Variants in PTPRZ1 observed in about 807,000 individuals in gnomAD.
The protein encoded by PTPRZ1 is protein tyrosine phosphatase receptor type Z1.
PTPRZ1 carries 82 observed loss-of-function variants against 214.1 expected under a neutral mutation model. The observed-to-expected ratio is 0.38, with a 90% confidence interval of 0.32 to 0.46. PTPRZ1 has a LOEUF of 0.46. Among genes scored for constraint, PTPRZ1 ranks in the 20% least tolerant of loss-of-function variants. The probability of loss-of-function intolerance (pLI) is 1.00; values close to 1 mark genes in which losing one functional copy is unlikely to be tolerated. For missense variants in PTPRZ1, 2,603 were observed against 2,748.7 expected, an observed-to-expected ratio of 0.95 and a Z score of 1.19; for synonymous variants, 945 against 987.9, an observed-to-expected ratio of 0.96 and a Z score of 0.81.
At chr7:121,926,375 A>C (rs977624695) in intron 1 of PTPRZ1, among the ~76,000 whole-genome samples, 1 of 151,898 alleles carries the variant, frequency 6.6e-6, no homozygotes, top group Admixed American at 6.6e-5. Context: ...TCAAGGGCCT[A>C]TGGTCAAGAA....
At chr7:121,886,826 A>G (rs1331123184) in intron 1 of PTPRZ1, among the ~76,000 whole-genome samples, 2 of 152,206 alleles carry the variant, frequency 1.3e-5, no homozygotes, top group African/African-American at 4.8e-5. Context: ...AAAATAATGA[A>G]CAAAATTTTA....
intron 8 of PTPRZ1, among the ~76,000 whole-genome samples, chr7:121,990,257 C>A (rs934509614): frequency 2.0e-5 from 3 of 151,968 alleles, no homozygotes; most frequent in Non-Finnish European, 4.4e-5. Context: ...ATCGCAAAAA[C>A]CATGTGAGAT....
At chr7:122,049,703 T>C (rs757579139) in intron 23 of PTPRZ1, among the ~76,000 whole-genome samples, 1 of 152,178 alleles carries the variant, frequency 6.6e-6, no homozygotes, top group Non-Finnish European at 1.5e-5. Context: ...AAGATATTGC[T>C]TCTCCTTACA....
intron 8 of PTPRZ1, among the ~76,000 whole-genome samples, chr7:121,989,492 A>T (rs1225299419): frequency 6.6e-6 from 1 of 150,424 alleles, no homozygotes; most frequent in Non-Finnish European, 1.5e-5. Flanking sequence ...CTCCTGCCTC[A>T]GCCTCCCAAG....
chr7:122,051,355 A>T, intron 23 of PTPRZ1, 73 bp from the exon 24 acceptor site: 3 of 945,580 alleles, frequency 3.2e-6, no homozygotes, highest in Non-Finnish European at 5.1e-6. Flanking sequence ...GTGTGTCTGT[A>T]TGTATGTGTG....
chr7:122,051,615 G>T, intron 24 of PTPRZ1, 94 bp downstream of exon 24: 1 of 1,032,648 alleles, frequency 9.7e-7, no homozygotes, highest in South Asian at 1.5e-5. Flanking sequence ...TGGAGCAAAT[G>T]GAGCACATTC....
At chr7:122,044,976 T>C (rs1799843690) in intron 23 of PTPRZ1, among the ~76,000 whole-genome samples, 1 of 151,860 alleles carries the variant, frequency 6.6e-6, no homozygotes. Flanking sequence ...AATCTGTGTC[T>C]CACTTGAAAC....
chr7:121,998,161 G>A (rs1477453811), intron 10 of PTPRZ1, among the ~76,000 whole-genome samples, 155 bp downstream of exon 10: 1 of 152,086 alleles, frequency 6.6e-6, no homozygotes, highest in African/African-American at 2.4e-5. Context: ...TGGGGCATGG[G>A]ACCCATTTCT....
At chr7:121,950,155 G>A (rs1796508249) in intron 2 of PTPRZ1, among the ~76,000 whole-genome samples, 1 of 151,886 alleles carries the variant, frequency 6.6e-6, no homozygotes, top group Non-Finnish European at 1.5e-5. Flanking sequence ...AAATGAGAGA[G>A]CTTGTGCAGG....
chr7:121,946,835 T>C (rs1477481063), intron 2 of PTPRZ1, among the ~76,000 whole-genome samples: 1 of 152,072 alleles, frequency 6.6e-6, no homozygotes, highest in Non-Finnish European at 1.5e-5. Context: ...ACGTTTCTAA[T>C]AAAAATGCAT....
At chr7:122,051,609 G>C in intron 24 of PTPRZ1, 88 bp downstream of exon 24, 1 of 1,062,612 alleles carries the variant, frequency 9.4e-7, no homozygotes, top group Non-Finnish European at 1.4e-6. Flanking sequence ...TACCTTTGGA[G>C]CAAATGGAGC....
chr7:122,028,604 G>A lies in PTPRZ1; in HGVS notation c.5041G>A (p.Val1681Ile). 1 of 1,549,132 alleles carries A rather than the reference G, an allele frequency of 6.5e-7. No individual in the cohort carries two copies. The highest frequency in any genetic ancestry group is 1.1e-5 in the South Asian group (1 of 89,748). ...FYLEDSTSPRVISTPPTPIFP... is the reference protein window; with the variant it reads ...FYLEDSTSPRIISTPPTPIFP... ...CTTAGAGGACAGTACATCCCCTAGAGTTATATCCACACCTCCAACACCTAT... is the reference window on the plus strand; with the variant it reads ...CTTAGAGGACAGTACATCCCCTAGAATTATATCCACACCTCCAACACCTAT... Residue 1681 changes from valine to isoleucine, a missense_variant, in exon 14 of 30, where the codon GTT becomes ATT. Val to Ile is a conservative substitution (Grantham distance 29). This residue lies in a region of PTPRZ1 where 1,913 missense variants were observed against 1,914.3 expected (regional missense o/e 1.00). Coordinates refer to ENST00000393386, the MANE Select transcript of PTPRZ1 (RefSeq NM_002851.3).
rs543987396 is a variant in PTPRZ1, at chr7:121,961,779, G to C, written c.125-6172G>C. ...TGTAGATGAAATAGGCAAGTTAACA[G>C]ACAAAATACAGTATGTTAAGTGCTT... On this transcript the variant is annotated intron_variant, in intron 2 of 29. Coordinates refer to ENST00000393386, the MANE Select transcript of PTPRZ1 (RefSeq NM_002851.3). 2.0e-5 allele frequency among the ~76,000 whole-genome samples: 3 copies of C among 152,346 alleles called. No individual in the cohort carries two copies. The South Asian group carries it at 6.2e-4, about 32-fold the overall frequency.
intron 1 of PTPRZ1, among the ~76,000 whole-genome samples, chr7:121,912,468 A>G (rs1795307342): frequency 6.6e-6 from 1 of 152,290 alleles, no homozygotes; most frequent in East Asian, 1.9e-4. Flanking sequence ...TCTTAAAGTA[A>G]TCCATAGGCA....
chr7:121,966,674 CT>C (rs962241595), intron 2 of PTPRZ1, among the ~76,000 whole-genome samples: 1 of 152,162 alleles, frequency 6.6e-6, no homozygotes, highest in African/African-American at 2.4e-5. Flanking sequence ...TTTTCCATGA[CT>C]GTATAGACGG....
intron 2 of PTPRZ1, among the ~76,000 whole-genome samples, chr7:121,937,660 G>A (rs1796124525): frequency 6.6e-6 from 1 of 152,144 alleles, no homozygotes; most frequent in Non-Finnish European, 1.5e-5. Flanking sequence ...CTGATGGTCT[G>A]GAGGAAGAAG....
chr7:122,048,178 A>G (rs1443119032), intron 23 of PTPRZ1, among the ~76,000 whole-genome samples: 1 of 152,138 alleles, frequency 6.6e-6, no homozygotes, highest in Non-Finnish European at 1.5e-5. Flanking sequence ...CTTTAGAATT[A>G]AAGGTCAAAA....
intron 2 of PTPRZ1, among the ~76,000 whole-genome samples, chr7:121,963,214 A>G (rs1916875): frequency 0.32 from 49,122 of 152,082 alleles, 9,666 homozygotes; most frequent in Middle Eastern, 0.43. Flanking sequence ...GCATAGAGTA[A>G]TTTATTACAA....
At chr7:121,909,447 C>T (rs1795208592) in intron 1 of PTPRZ1, among the ~76,000 whole-genome samples, 1 of 152,134 alleles carries the variant, frequency 6.6e-6, no homozygotes, top group Admixed American at 6.6e-5. Context: ...TATTCATTGA[C>T]TGCATCAGAC....
Sources: gnomAD v4.1 joint callset for allele counts (sites outside exome capture counted in the v4.1 genomes callset) on GRCh38, gnomAD v4.1.1 for gene constraint, gnomAD v4.1.1 regional missense constraint, MANE v1.5 for transcripts, NCBI Gene and HGNC (gene_info 2026-07-23, HGNC 2026-07-21) for gene names.